The following APBA1 variants were observed in gnomAD, a reference collection of about 807,000 sequenced individuals.
APBA1 encodes amyloid beta precursor protein binding family A member 1, also known as amyloid-beta A4 precursor protein-binding family A member 1.
Under a neutral mutation model 86.6 loss-of-function variants are expected in APBA1, and 55 were observed. The observed-to-expected ratio is 0.64, with a 90% CI of 0.51 to 0.80. APBA1 has a LOEUF of 0.80. Among genes scored for constraint, APBA1 ranks in the 30% least tolerant of loss-of-function variants. The probability of loss-of-function intolerance (pLI) is 0.00; values close to 1 mark genes in which losing one functional copy is unlikely to be tolerated. For synonymous variants in APBA1, 511 were observed against 493.9 expected (o/e 1.03, Z -0.46); for missense variants, 1,090 against 1,183.0 (o/e 0.92, Z 1.15).
chr9:69,441,165 G>A, intron 10 of APBA1, 50 bp from the exon 11 acceptor site: 2 of 1,575,104 alleles, frequency 1.3e-6, no homozygotes, highest in Non-Finnish European at 1.7e-6. Flanking sequence ...GAGGCAGACA[G>A]AATAAACAAA....
At chr9:69,449,864 T>C (rs748141762) in intron 9 of APBA1, 68 bp from the exon 10 acceptor site, 1 of 1,391,916 alleles carries the variant, frequency 7.2e-7, no homozygotes. Flanking sequence ...AATGAAAGCC[T>C]CTCCCCCATT....
At chr9:69,667,307 A>G (rs1328569407) in intron 1 of APBA1, among the ~76,000 whole-genome samples, 1 of 152,138 alleles carries the variant, frequency 6.6e-6, no homozygotes, top group East Asian at 1.9e-4. Context: ...GTCAAACTCC[A>G]ATTATATAGC....
chr9:69,467,245 G>A lies in APBA1; in HGVS notation c.1482+578C>T, dbSNP rs1024580233. ...GGTTCCTCCTGGATCAAACAGGCTCGTTCCTTTTATGTCTTGATTAATGAG... is the reference window on the plus strand; with the variant it reads ...GGTTCCTCCTGGATCAAACAGGCTCATTCCTTTTATGTCTTGATTAATGAG... On this transcript the variant is annotated intron_variant, in intron 5 of 12. Coordinates refer to ENST00000265381, the MANE Select transcript of APBA1 (RefSeq NM_001163.4). Among the ~76,000 whole-genome samples, 7 of 152,168 alleles carry A rather than the reference G, an allele frequency of 4.6e-5. No individual in the cohort carries two copies. In the South Asian group the frequency reaches 6.2e-4, roughly 13 times the overall value.
At chr9:69,505,218 G>A (rs1361013621) in intron 2 of APBA1, among the ~76,000 whole-genome samples, 1 of 152,106 alleles carries the variant, frequency 6.6e-6, no homozygotes, top group African/African-American at 2.4e-5. Context: ...CAGGAGACCT[G>A]TGCTGACAGG....
At position 69,560,922 on chromosome 9, in the gene APBA1, A is replaced by C. The variant is rs151181476; in HGVS notation, c.-69-43643T>G. 3.4e-3 allele frequency among the ~76,000 whole-genome samples: 515 copies of C among 152,360 alleles called. 4 individuals carry two copies. The highest frequency in any genetic ancestry group is 0.012 in the African/African-American group (490 of 41,588). On this transcript the variant is annotated intron_variant, in intron 1 of 12. Coordinates refer to ENST00000265381, the MANE Select transcript of APBA1 (RefSeq NM_001163.4). ...GCACAACAACTTTATTCAAGTTATTAATTCATCTACCTAGGGATCAGATTT... is the reference window on the plus strand; with the variant it reads ...GCACAACAACTTTATTCAAGTTATTCATTCATCTACCTAGGGATCAGATTT...
At chr9:69,539,530 T>G (rs1836570037) in intron 1 of APBA1, among the ~76,000 whole-genome samples, 1 of 152,362 alleles carries the variant, frequency 6.6e-6, no homozygotes, top group Admixed American at 6.5e-5. Flanking sequence ...GCATCTTTTC[T>G]TACCTGGACC....
chr9:69,538,189 C>T (rs954806456), intron 1 of APBA1, among the ~76,000 whole-genome samples: 6 of 152,204 alleles, frequency 3.9e-5, no homozygotes, highest in Admixed American at 2.6e-4. Context: ...CTTGCATGGG[C>T]AGGAAATTCT....
At chr9:69,453,552 A>G (rs1482300516) in intron 8 of APBA1, among the ~76,000 whole-genome samples, 2 of 152,260 alleles carry the variant, frequency 1.3e-5, no homozygotes, top group Non-Finnish European at 2.9e-5. Flanking sequence ...AGTAAATGCT[A>G]TACAAGGACC....
At chr9:69,636,890 A>AGAAGGAAGGAAGGAAGGAAGGAAG (rs1284734460) in intron 1 of APBA1, among the ~76,000 whole-genome samples, 3 of 23,534 alleles carry the variant, frequency 1.3e-4, no homozygotes, top group Non-Finnish European at 1.9e-4. Flanking sequence ...AAGGAAGGAA[A>AGAAGGAAGGAAGGAAGGAAGGAAG]GAAGGAAGGA....
At chr9:69,672,555 C>CGCGGCGGCG (rs1156962478), upstream of APBA1, among the ~76,000 whole-genome samples, 2 of 147,416 alleles carry the variant, frequency 1.4e-5, no homozygotes, top group Admixed American at 6.7e-5. Context: ...CCCGCGAGCC[C>CGCGGCGGCG]GCGGCGGCGG....
intron 12 of APBA1, 41 bp downstream of exon 12, chr9:69,432,495 C>G (rs185642970): frequency 2.1e-6 from 3 of 1,451,436 alleles, no homozygotes; most frequent in African/African-American, 2.9e-5. Flanking sequence ...GGGCACCAGA[C>G]GCGGCCCTCA....
rs561381984 is a variant in APBA1 at position 69,576,473 on chromosome 9, C to T, written c.-69-59194G>A. Among the ~76,000 whole-genome samples, 322 of 152,194 alleles carry T rather than the reference C, an allele frequency of 2.1e-3. 1 individual carries two copies. Among genetic ancestry groups the T allele is most frequent in the African/African-American group, 7.5e-3 (312 of 41,520 alleles). On this transcript the variant is annotated intron_variant, in intron 1 of 12. Coordinates refer to ENST00000265381, the MANE Select transcript of APBA1 (RefSeq NM_001163.4). ...AACCAACCCAAATGTCCAACAATGA[C>T]AGACTGGATTAAGAAAATGTGGCAC...
chr9:69,469,995 A>G (rs1326681959), intron 4 of APBA1, among the ~76,000 whole-genome samples: 1 of 152,226 alleles, frequency 6.6e-6, no homozygotes, highest in Non-Finnish European at 1.5e-5. Context: ...CTATTCACTG[A>G]GAAGGTCCCT....
intron 1 of APBA1, among the ~76,000 whole-genome samples, chr9:69,517,812 A>G (rs533018661): frequency 3.3e-5 from 5 of 152,314 alleles, no homozygotes; most frequent in Admixed American, 6.5e-5. Flanking sequence ...ACCTCAGGCA[A>G]GTGGCTTAAT....
At chr9:69,611,571 G>T (rs570549338) in intron 1 of APBA1, among the ~76,000 whole-genome samples, 1 of 152,140 alleles carries the variant, frequency 6.6e-6, no homozygotes, top group Non-Finnish European at 1.5e-5. Flanking sequence ...ATTTTGGTCC[G>T]CACTCTTCAT....
At chr9:69,668,670 C>T (rs1449036337) in intron 1 of APBA1, among the ~76,000 whole-genome samples, 1 of 152,220 alleles carries the variant, frequency 6.6e-6, no homozygotes, top group Non-Finnish European at 1.5e-5. Context: ...AGTTGCTCCA[C>T]CACCTTGAAC....
chr9:69,432,846 G>A (rs1455926405), intron 11 of APBA1, among the ~76,000 whole-genome samples, 170 bp from the exon 12 acceptor site: 1 of 152,154 alleles, frequency 6.6e-6, no homozygotes, highest in African/African-American at 2.4e-5. Context: ...AATAGGTGCC[G>A]TCGGCCCACA....
At chr9:69,495,744 T>C (rs1022958248) in intron 2 of APBA1, among the ~76,000 whole-genome samples, 11 of 152,024 alleles carry the variant, frequency 7.2e-5, no homozygotes, top group African/African-American at 2.4e-4. Context: ...GCTACGTTTA[T>C]AGAACCTGTG....
chr9:69,610,214 T>C (rs959672310), intron 1 of APBA1, among the ~76,000 whole-genome samples: 9 of 152,104 alleles, frequency 5.9e-5, no homozygotes, highest in African/African-American at 2.2e-4. Context: ...TAGCTGCTTT[T>C]GAGGCTGAGG....
Sources: allele counts gnomAD v4.1 joint callset (sites outside exome capture counted in the v4.1 genomes callset), GRCh38; gene constraint gnomAD v4.1.1; transcripts MANE v1.5; gene names NCBI Gene and HGNC (gene_info 2026-07-23, HGNC 2026-07-21).